Variants in NSMCE1 observed in about 807,000 individuals in gnomAD.
The protein encoded by NSMCE1 is non-structural maintenance of chromosomes element 1 homolog.
A neutral mutation model predicts 29.6 loss-of-function variants in NSMCE1; 18 were observed. That is an observed-to-expected ratio of 0.61 (90% CI 0.42 to 0.90). The LOEUF (loss-of-function observed/expected upper bound fraction) is 0.90, where lower values mean the gene tolerates loss of function less well. Ranked by LOEUF, NSMCE1 falls within the 40% of genes least tolerant of loss-of-function variation. The probability of loss-of-function intolerance (pLI) is 0.00; values close to 1 mark genes in which losing one functional copy is unlikely to be tolerated. For synonymous variants in NSMCE1, 124 were observed against 133.4 expected, an observed-to-expected ratio of 0.93 and a Z score of 0.49; for missense variants, 314 against 343.6, an observed-to-expected ratio of 0.91 and a Z score of 0.68.
intron 2 of NSMCE1, among the ~76,000 whole-genome samples, chr16:27,242,334 A>G (rs2083904404): frequency 6.6e-6 from 1 of 152,214 alleles, no homozygotes; most frequent in African/African-American, 2.4e-5. Flanking sequence ...TTTAAAACCT[A>G]TTGTTCTGAG....
intron 2 of NSMCE1, among the ~76,000 whole-genome samples, chr16:27,244,186 G>C (rs1201898667): frequency 6.6e-6 from 1 of 152,212 alleles, no homozygotes; most frequent in Non-Finnish European, 1.5e-5. Flanking sequence ...TAAATAAGCA[G>C]CTGCTGCCTG....
chr16:27,239,166 A>G (rs35187969), intron 2 of NSMCE1, among the ~76,000 whole-genome samples: 49,286 of 152,058 alleles, frequency 0.32, 8,081 homozygotes, highest in East Asian at 0.47. Flanking sequence ...CACCGTGCCC[A>G]GCCCCGACAC....
chr16:27,251,189 T>TATATATATATATATATATATATATAA lies in NSMCE1; in HGVS notation c.136+6245_136+6246insTTATATATATATATATATATATATAT, dbSNP rs1459861130. Among the ~76,000 whole-genome samples the TATATATATATATATATATATATATAA allele has an allele frequency of 1.8e-3, 105 of 58,768 alleles. 1 individual carries two copies. Among genetic ancestry groups the TATATATATATATATATATATATATAA allele is most frequent in the Middle Eastern group, 7.1e-3 (1 of 140 alleles). The allele number at this position is 58,768 out of a possible 152,430, so 38.6% of individuals were successfully genotyped here. On this transcript the variant is annotated intron_variant, in intron 2 of 7. Coordinates refer to ENST00000361439, the MANE Select transcript of NSMCE1 (RefSeq NM_145080.4). The stretch of plus-strand genomic sequence containing the variant: ...ATATATATATATATATATATATATA[T>TATATATATATATATATATATATATAA]AAATATATATATATATATAAAACTC...
chr16:27,256,740 T>C (rs1372945394), intron 2 of NSMCE1, among the ~76,000 whole-genome samples: 1 of 152,144 alleles, frequency 6.6e-6, no homozygotes, highest in Non-Finnish European at 1.5e-5. Flanking sequence ...TATTTGCCCC[T>C]CCCAGTGGCC....
intron 2 of NSMCE1, among the ~76,000 whole-genome samples, chr16:27,247,214 T>G (rs1392228817): frequency 6.6e-6 from 1 of 152,172 alleles, no homozygotes; most frequent in Non-Finnish European, 1.5e-5. Context: ...GGGAGGGAAT[T>G]GAATCATGGG....
Position 27,233,031 on chromosome 16 carries a change from C to T in NSMCE1, c.453G>A (p.Gln151=). The T allele has an allele frequency of 3.7e-6, 6 of 1,614,214 alleles. No individual in the cohort carries two copies. Among genetic ancestry groups the T allele is most frequent in the Non-Finnish European group, 5.1e-6 (6 of 1,180,012 alleles). The stretch of plus-strand genomic sequence containing the variant: ...TCAGCCACTTGTTTTGAACAAACTT[C>T]TGCAGCACCTGCTCCGCTTCCTTCT... The part of the protein sequence containing the change: ...MRKKEAEQVL[Q]KFVQNKWLIE... The change falls in exon 5 of 8, where the codon CAG becomes CAA. Residue 151 remains glutamine, a synonymous_variant. Coordinates refer to ENST00000361439, the MANE Select transcript of NSMCE1 (RefSeq NM_145080.4).
chr16:27,249,821 G>T (rs1168058365), intron 2 of NSMCE1, among the ~76,000 whole-genome samples: 3 of 152,148 alleles, frequency 2.0e-5, no homozygotes, highest in Admixed American at 6.5e-5. Context: ...ATCTAACTGG[G>T]ATTTCTTTGA....
chr16:27,257,320 T>C (rs1025600815), intron 2 of NSMCE1, 115 bp downstream of exon 2: 15 of 813,018 alleles, frequency 1.8e-5, no homozygotes, highest in African/African-American at 3.5e-5. Flanking sequence ...GTGAAGAGGC[T>C]TGAATGCTCA....
intron 5 of NSMCE1, chr16:27,230,487 C>T (rs1010715746): frequency 6.6e-6 from 1 of 152,288 alleles, no homozygotes; most frequent in Non-Finnish European, 1.5e-5. Context: ...CTTACCAGGC[C>T]ATGTAGGTCA....
Position 27,225,128 on chromosome 16 carries a change from G to A in NSMCE1, c.*29C>T, listed in dbSNP as rs754556232. ...GGCTGTGGCGATCAGGCCACTCAAG[G>A]CAGCCAGCCCCTCAGCAGGGCACGA... On this transcript the variant is annotated 3_prime_UTR_variant, in exon 8 of 8. Transcript: ENST00000361439. The A allele has an allele frequency of 2.8e-6, 4 of 1,438,062 alleles. No homozygotes were observed. Among genetic ancestry groups the A allele is most frequent in the Admixed American group, 1.8e-5 (1 of 55,302 alleles). The allele number at this position is 1,438,062 out of a possible 1,614,324, so 89.1% of individuals were successfully genotyped here. A position where few individuals can be genotyped will look rare whatever the true frequency, so the allele number is the denominator to read the frequency against.
At chr16:27,239,600 A>T (rs546885191) in intron 2 of NSMCE1, among the ~76,000 whole-genome samples, 3 of 152,352 alleles carry the variant, frequency 2.0e-5, no homozygotes, top group Non-Finnish European at 4.4e-5. Flanking sequence ...CCTTCAGTAA[A>T]TATCAAAACA....
intron 5 of NSMCE1, among the ~76,000 whole-genome samples, chr16:27,227,778 CTTTTCTTTTT>C (rs142804877): frequency 0.29 from 41,935 of 142,682 alleles, 5,980 homozygotes; most frequent in East Asian, 0.46. Context: ...CGTTTCTTTT[CTTTTCTTTTT>C]TTTTTTTTTT....
At position 27,251,191 on chromosome 16, in the gene NSMCE1, A is replaced by ATAAATAT. The variant is rs1555477411; in HGVS notation, c.136+6243_136+6244insATATTTA. On this transcript the variant is annotated intron_variant, in intron 2 of 7. Transcript: ENST00000361439. ...ATATATATATATATATATATATATAAATATATATATATATATAAAACTCTG... is the reference window on the plus strand; with the variant it reads ...ATATATATATATATATATATATATAATAAATATATATATATATATATATAAAACTCTG... 2.8e-4 allele frequency among the ~76,000 whole-genome samples: 9 copies of ATAAATAT among 32,332 alleles called. No individual in the cohort carries two copies. In the East Asian group the frequency reaches 0.013, roughly 46 times the overall value. The allele number at this position is 32,332 out of a possible 152,430, so 21.2% of individuals were successfully genotyped here. A position where few individuals can be genotyped will look rare whatever the true frequency, so the allele number is the denominator to read the frequency against.
At chr16:27,229,828 C>T (rs948618332) in intron 5 of NSMCE1, among the ~76,000 whole-genome samples, 2 of 152,240 alleles carry the variant, frequency 1.3e-5, no homozygotes, top group African/African-American at 4.8e-5. Context: ...ATCTACCCGC[C>T]TTGGCCTCCC....
At chr16:27,242,056 C>A (rs1462318082) in intron 2 of NSMCE1, among the ~76,000 whole-genome samples, 1 of 152,170 alleles carries the variant, frequency 6.6e-6, no homozygotes, top group Admixed American at 6.5e-5. Context: ...CAGGTACAAA[C>A]ATAAATAAAA....
intron 5 of NSMCE1, among the ~76,000 whole-genome samples, chr16:27,227,510 G>T (rs1218264936): frequency 1.3e-5 from 2 of 152,192 alleles, no homozygotes; most frequent in African/African-American, 2.4e-5. Context: ...CAAGAACAAT[G>T]CAGCTCCCCA....
chr16:27,226,284 A>C, intron 6 of NSMCE1: 1 of 212,108 alleles, frequency 4.7e-6, no homozygotes, highest in Non-Finnish European at 9.5e-6. Flanking sequence ...TTGCAATTAC[A>C]AACAGCTACA....
At chr16:27,257,843 A>G (rs1169183729) in intron 1 of NSMCE1, among the ~76,000 whole-genome samples, 1 of 152,172 alleles carries the variant, frequency 6.6e-6, no homozygotes, top group Non-Finnish European at 1.5e-5. Context: ...AGATTGAGCA[A>G]CTTAGTCCCC....
chr16:27,265,198 C>T (rs1003728596), intron 1 of NSMCE1, among the ~76,000 whole-genome samples: 3 of 111,978 alleles, frequency 2.7e-5, no homozygotes, highest in Non-Finnish European at 5.2e-5. Context: ...GACAGGGTCT[C>T]ACTCTGTTGC....
Sources: allele counts gnomAD v4.1 joint callset (sites outside exome capture counted in the v4.1 genomes callset), GRCh38; gene constraint gnomAD v4.1.1; transcripts MANE v1.5; gene names NCBI Gene and HGNC (gene_info 2026-07-23, HGNC 2026-07-21).